PARD3: variants seen among roughly 807,000 people sequenced by gnomAD.
The protein encoded by PARD3 is par-3 family cell polarity regulator, also known as partitioning defective 3 homolog.
In PARD3, 75 loss-of-function variants were observed where a neutral mutation model predicts 155.4. The observed-to-expected ratio is 0.48, with a 90% CI of 0.40 to 0.58. The LOEUF (loss-of-function observed/expected upper bound fraction) is 0.58, where lower values mean the gene tolerates loss of function less well. Among genes scored for constraint, PARD3 ranks in the 20% least tolerant of loss-of-function variants. The pLI is 0.00. For missense variants in PARD3, 1,642 were observed against 1,721.7 expected (o/e 0.95, Z 0.82); for synonymous variants, 576 against 610.5 (o/e 0.94, Z 0.83).
chr10:34,657,405 TA>T (rs2093201724), intron 2 of PARD3, among the ~76,000 whole-genome samples: 1 of 152,234 alleles, frequency 6.6e-6, no homozygotes, highest in African/African-American at 2.4e-5. Context: ...AAAAAAAGTC[TA>T]CTTCGATCTA....
chr10:34,303,615 A>G (rs2255021), intron 20 of PARD3, among the ~76,000 whole-genome samples: 77,955 of 149,990 alleles, frequency 0.52, 20,085 homozygotes, highest in Middle Eastern at 0.6. Context: ...CAGGAATTCG[A>G]TAAGATGTTT....
At chr10:34,633,001 G>T (rs187717868) in intron 2 of PARD3, among the ~76,000 whole-genome samples, 254 of 152,292 alleles carry the variant, frequency 1.7e-3, no homozygotes, top group African/African-American at 5.9e-3. Context: ...TCACCCCCAG[G>T]GGCTCGCCTG....
intron 19 of PARD3, among the ~76,000 whole-genome samples, chr10:34,317,631 T>C (rs1403226209): frequency 1.3e-5 from 2 of 152,256 alleles, no homozygotes; most frequent in East Asian, 3.9e-4. Context: ...TGTACACTAC[T>C]AGGGGGGTGC....
intron 19 of PARD3, 94 bp downstream of exon 19, chr10:34,331,023 G>C: frequency 1.2e-6 from 1 of 864,092 alleles, no homozygotes; most frequent in South Asian, 1.7e-5. Flanking sequence ...AGATTACCCT[G>C]AAGAATCTTA....
chr10:34,112,503 A>C (rs1245987892), intron 24 of PARD3, among the ~76,000 whole-genome samples: 1 of 152,236 alleles, frequency 6.6e-6, no homozygotes, highest in East Asian at 1.9e-4. Context: ...GACATGCCCT[A>C]ATTTTTTTGC....
intron 23 of PARD3, among the ~76,000 whole-genome samples, chr10:34,126,120 T>C (rs1947276648): frequency 6.6e-6 from 1 of 152,216 alleles, no homozygotes; most frequent in African/African-American, 2.4e-5. Flanking sequence ...GAGGAAGAAG[T>C]TGCCTTTTCT....
intron 3 of PARD3, among the ~76,000 whole-genome samples, chr10:34,473,633 G>A (rs2078509226): frequency 6.6e-6 from 1 of 152,178 alleles, no homozygotes; most frequent in South Asian, 2.1e-4. Flanking sequence ...AGACCAAACT[G>A]AGGACTGGCT....
At chr10:34,586,481 G>A (rs1023623842) in intron 2 of PARD3, among the ~76,000 whole-genome samples, 1 of 152,184 alleles carries the variant, frequency 6.6e-6, no homozygotes, top group African/African-American at 2.4e-5. Context: ...GCACATCAGT[G>A]TCTGTGTTTT....
At chr10:34,674,556 G>A (rs17579192) in intron 2 of PARD3, among the ~76,000 whole-genome samples, 2 of 142,370 alleles carry the variant, frequency 1.4e-5, no homozygotes, top group African/African-American at 2.6e-5. Flanking sequence ...GCACAATCTC[G>A]GCTCACTGCA....
intron 2 of PARD3, among the ~76,000 whole-genome samples, chr10:34,647,619 C>T (rs922170037): frequency 2.0e-5 from 3 of 152,164 alleles, no homozygotes; most frequent in Non-Finnish European, 2.9e-5. Context: ...CACCTTTTCT[C>T]GATGCAGTCA....
At chr10:34,115,131 CAGAG>C (rs1377892924) in intron 24 of PARD3, among the ~76,000 whole-genome samples, 1 of 152,102 alleles carries the variant, frequency 6.6e-6, no homozygotes, top group African/African-American at 2.4e-5. Context: ...AGGAGGAAGA[CAGAG>C]GGAGCGAGGC....
intron 3 of PARD3, among the ~76,000 whole-genome samples, chr10:34,513,681 T>A (rs2081538319): frequency 6.6e-6 from 1 of 152,236 alleles, no homozygotes; most frequent in African/African-American, 2.4e-5. Context: ...TACTGTTCAA[T>A]ATACTGGAAT....
intron 22 of PARD3, among the ~76,000 whole-genome samples, chr10:34,217,192 A>G (rs1463536110): frequency 6.7e-6 from 1 of 150,340 alleles, no homozygotes; most frequent in Admixed American, 6.6e-5. Flanking sequence ...TGTCCACCTC[A>G]CTGCTTCCCT....
At chr10:34,501,246 T>C (rs988993995) in intron 3 of PARD3, among the ~76,000 whole-genome samples, 2 of 152,138 alleles carry the variant, frequency 1.3e-5, no homozygotes, top group South Asian at 2.1e-4. Context: ...GATTCCTTCA[T>C]GGTTTGGTGC....
At chr10:34,477,942 T>C (rs541193974) in intron 3 of PARD3, among the ~76,000 whole-genome samples, 1 of 152,338 alleles carries the variant, frequency 6.6e-6, no homozygotes, top group Non-Finnish European at 1.5e-5. Context: ...CAAGTTATTA[T>C]CACATGCTGT....
intron 3 of PARD3, 122 bp downstream of exon 3, chr10:34,516,857 T>C: frequency 2.1e-6 from 2 of 965,430 alleles, no homozygotes; most frequent in Non-Finnish European, 3.0e-6. Context: ...GCCTGGGTCC[T>C]AAACTTAATT....
intron 7 of PARD3, among the ~76,000 whole-genome samples, chr10:34,398,885 A>T (rs992293649): frequency 2.0e-5 from 3 of 152,152 alleles, no homozygotes; most frequent in African/African-American, 2.4e-5. Context: ...TTTTAACAAT[A>T]AAAAAACTCA....
intron 22 of PARD3, among the ~76,000 whole-genome samples, chr10:34,227,886 T>TATATATATATATATATA (rs1564499942): frequency 4.8e-5 from 3 of 62,926 alleles, no homozygotes; most frequent in Non-Finnish European, 3.8e-5. Flanking sequence ...ATATATATAC[T>TATATATATATATATATA]GGGAATATAT....
rs1564404959 is a variant in PARD3, at chr10:34,605,536, C to CATAT, written c.223-88378_223-88377insATAT. Among the ~76,000 whole-genome samples the CATAT allele has an allele frequency of 5.0e-4, 7 of 13,966 alleles. 1 individual carries two copies. Among genetic ancestry groups the CATAT allele is most frequent in the Admixed American group, 8.2e-4 (1 of 1,222 alleles). The allele number at this position is 13,966 out of a possible 152,430, so 9.2% of individuals were successfully genotyped here. On this transcript the variant is annotated intron_variant, in intron 2 of 24. Coordinates refer to ENST00000374788, the MANE Select transcript of PARD3 (RefSeq NM_001184785.2). ...ATATATATATCTCCTATATATATCT[C>CATAT]CTATATATATATATATATATCTCCT...
Sources: allele counts gnomAD v4.1 joint callset (sites outside exome capture counted in the v4.1 genomes callset), GRCh38; gene constraint gnomAD v4.1.1; transcripts MANE v1.5; gene names NCBI Gene and HGNC (gene_info 2026-07-23, HGNC 2026-07-21).